Variants in PCNT observed in about 807,000 individuals in gnomAD.
The protein encoded by PCNT is kendrin.
PCNT carries 319 observed loss-of-function variants against 380.4 expected under a neutral mutation model. That is an observed-to-expected ratio of 0.84 (90% CI 0.77 to 0.92). The LOEUF is 0.92. Among genes scored for constraint, PCNT ranks in the 40% least tolerant of loss-of-function variants. PCNT has a pLI of 0.00. For synonymous variants in PCNT, 1,845 were observed against 1,735.2 expected (o/e 1.06, Z -1.57); for missense variants, 4,400 against 4,255.3 (o/e 1.03, Z -0.95).
At position 46,357,182 on chromosome 21, in the gene PCNT, T is replaced by C. The variant is rs2084509483; in HGVS notation, c.2145T>C (p.Asp715=). 1 of 1,609,672 alleles carries C rather than the reference T, an allele frequency of 6.2e-7. No homozygotes were observed. The highest frequency in any genetic ancestry group is 8.5e-7 in the Non-Finnish European group (1 of 1,175,928). The stretch of plus-strand genomic sequence containing the variant: ...AGCATGAAACTCGTCTGAAGGACGA[T>C]TTGGAGAAGGTGAGTCGTGACTCCA... ...KLQHETRLKD[D]LEKVKHNLIE... Residue 715 remains aspartate, a synonymous_variant, in exon 13 of 47, where the codon GAT becomes GAC. Transcript: ENST00000359568.
At chr21:46,403,868 G>T (rs558911887) in intron 27 of PCNT, among the ~76,000 whole-genome samples, 1 of 146,488 alleles carries the variant, frequency 6.8e-6, no homozygotes, top group Non-Finnish European at 1.5e-5. Flanking sequence ...TGGTGCCCAC[G>T]CGGCGTGTGC....
At chr21:46,403,569 G>T (rs2147529411) in intron 27 of PCNT, among the ~76,000 whole-genome samples, 1 of 127,398 alleles carries the variant, frequency 7.8e-6, no homozygotes, top group Admixed American at 8.1e-5. Context: ...TGTGTGTGGT[G>T]CCCACGTGGC....
Position 46,395,789 on chromosome 21 carries a change from C to T in PCNT, c.4217-1476C>T, listed in dbSNP as rs1014943799. Among the ~76,000 whole-genome samples the T allele has an allele frequency of 6.6e-5, 10 of 151,516 alleles. No individual in the cohort carries two copies. In the East Asian group the frequency reaches 1.7e-3, roughly 26 times the overall value. On this transcript the variant is annotated intron_variant, in intron 21 of 46. Coordinates refer to ENST00000359568, the MANE Select transcript of PCNT (RefSeq NM_006031.6). ...GTAATAAAATAGAGACTTCAGGATT[C>T]GGCAGCAGAGACTCCATCTCAGAAA... is the stretch of plus-strand genomic sequence containing the variant.
chr21:46,374,621 G>A (rs1333217166), intron 15 of PCNT, among the ~76,000 whole-genome samples: 7 of 152,090 alleles, frequency 4.6e-5, no homozygotes, highest in South Asian at 2.1e-4. Flanking sequence ...AGGCCGAGGC[G>A]GGTGCATCAC....
rs1745833330 is a variant in PCNT at position 46,428,437 on chromosome 21, G to C, written c.7537G>C (p.Asp2513His). ...EKSLEHLRLP[D>H]RSSLLSEIQA... ...GTCCCTGGAGCATCTTCGCTTGCCG[G>C]ACCGGAGCAGCCTGCTGTCCGAGAT... The change falls in exon 35 of 47, where the codon GAC (aspartate) becomes CAC (histidine). Residue 2513 changes from aspartate to histidine, a missense_variant. Physicochemically the swap from Asp to His is moderately conservative, Grantham distance 81 (BLOSUM62 -1). Transcript: ENST00000359568. 1.2e-6 allele frequency: 2 copies of C among 1,612,448 alleles called. No individual in the cohort carries two copies. The highest frequency in any genetic ancestry group is 3.3e-5 in the Admixed American group (2 of 59,968).
rs759204178 is a variant in PCNT at position 46,445,314 on chromosome 21, T to A, written c.9998T>A (p.Met3333Lys). 52 of 1,607,760 alleles carry A rather than the reference T, an allele frequency of 3.2e-5. 1 individual carries two copies. The South Asian group carries it at 3.7e-4, about 12-fold the overall frequency. The change falls in exon 47 of 47, where the codon ATG becomes AAG. Residue 3333 changes from methionine (M) to lysine (K), a missense_variant. Met to Lys is a moderately conservative substitution (Grantham distance 95, BLOSUM62 -1). Transcript: ENST00000359568. ...ACTTCAAAGAAATCCTGCCACCCGA[T>A]GATTAAACAGTGAATAAAATGTCAT... ...DSTSKKSCHP[M>K]IKQ is the part of the protein sequence containing the mutation.
chr21:46,335,582 C>T (rs1195910897), intron 3 of PCNT, among the ~76,000 whole-genome samples: 7 of 142,980 alleles, frequency 4.9e-5, no homozygotes, highest in South Asian at 4.5e-4. Context: ...GGAGACAGAC[C>T]GAGATTCCAT....
intron 3 of PCNT, among the ~76,000 whole-genome samples, chr21:46,338,131 G>A (rs1043564776): frequency 4.0e-5 from 6 of 151,838 alleles, no homozygotes; most frequent in African/African-American, 4.8e-5. Context: ...CTCCTGCCTC[G>A]GCCTCCAAAA....
chr21:46,371,874 C>A (rs1205652269), intron 15 of PCNT, among the ~76,000 whole-genome samples: 1 of 146,288 alleles, frequency 6.8e-6, no homozygotes, highest in African/African-American at 2.5e-5. Context: ...TGTGCACACA[C>A]ACAGCACATG....
rs2146242077 is a variant in PCNT at position 46,326,478 on chromosome 21, G to A, written c.156G>A (p.Glu52=). ...CGGCTGTCGATGCGTCTGTCCAGGA[G>A]GAGAGTCCGGTAACCAAGGAGGACA... The part of the protein sequence containing the change: ...KGSAVDASVQ[E]ESPVTKEDSA... The change falls in exon 2 of 47, where the codon GAG becomes GAA. Residue 52 remains glutamate (E), a synonymous_variant. Transcript: ENST00000359568. 6.2e-7 allele frequency: 1 copy of A among 1,614,240 alleles called. No individual in the cohort carries two copies. Among genetic ancestry groups the A allele is most frequent in the East Asian group, 2.2e-5 (1 of 44,892 alleles).
chr21:46,324,897 T>C (rs1166724876), intron 1 of PCNT: 17 of 985,400 alleles, frequency 1.7e-5, no homozygotes, highest in Non-Finnish European at 1.9e-5. Flanking sequence ...GGCGTTGCAG[T>C]CCTTACTGTG....
At chr21:46,444,955 G>C (rs940568455) in intron 46 of PCNT, 134 bp downstream of exon 46, 24 of 837,998 alleles carry the variant, frequency 2.9e-5, no homozygotes, top group Non-Finnish European at 4.2e-5. Flanking sequence ...GTCACTAATA[G>C]TATTAGAATA....
At chr21:46,426,179 G>T (rs1246709238) in intron 33 of PCNT, among the ~76,000 whole-genome samples, 2 of 147,174 alleles carry the variant, frequency 1.4e-5, no homozygotes, top group Non-Finnish European at 3.0e-5. Context: ...GATTACAGGT[G>T]CATGCCACCA....
At chr21:46,427,493 A>T in intron 33 of PCNT, 129 bp from the exon 34 acceptor site, 2 of 962,820 alleles carry the variant, frequency 2.1e-6, no homozygotes. Flanking sequence ...TCCTCTTCTT[A>T]AGAGGCCTCA....
At chr21:46,373,974 C>T (rs912415818) in intron 15 of PCNT, among the ~76,000 whole-genome samples, 15 of 151,978 alleles carry the variant, frequency 9.9e-5, no homozygotes, top group East Asian at 1.9e-4. Context: ...GTGATCTGTC[C>T]GTCTTGGCCT....
rs1601971551 is a variant in PCNT, at chr21:46,402,607, T to C, written c.5115+124T>C. ...TTCACAGACGCCCGTGGCCCCCATGTGGCAGACAGTGCAGAGAGCGCCCGA... is the reference window on the plus strand; with the variant it reads ...TTCACAGACGCCCGTGGCCCCCATGCGGCAGACAGTGCAGAGAGCGCCCGA... On this transcript the variant is annotated intron_variant, in intron 27 of 46. Coordinates refer to ENST00000359568, the MANE Select transcript of PCNT (RefSeq NM_006031.6). The C allele has an allele frequency of 3.0e-6, 3 of 984,216 alleles. No individual in the cohort carries two copies. In the African/African-American group the frequency reaches 4.8e-5, roughly 16 times the overall value. The allele number at this position is 984,216 out of a possible 1,614,324, so 61.0% of individuals were successfully genotyped here. A position where few individuals can be genotyped will look rare whatever the true frequency, so the allele number is the denominator to read the frequency against.
At chr21:46,403,693 G>A (rs1197980615) in intron 27 of PCNT, among the ~76,000 whole-genome samples, 19 of 146,108 alleles carry the variant, frequency 1.3e-4, no homozygotes, top group Admixed American at 6.8e-5. Context: ...TGGTGCCCAC[G>A]CGGCACGTGC....
chr21:46,371,991 A>G (rs558474182), intron 15 of PCNT, among the ~76,000 whole-genome samples: 22 of 143,734 alleles, frequency 1.5e-4, no homozygotes, highest in Admixed American at 1.5e-3. Flanking sequence ...CATGCAGCAC[A>G]TGCACACACA....
chr21:46,331,599 C>G (rs1601749541), intron 2 of PCNT, among the ~76,000 whole-genome samples: 3 of 151,770 alleles, frequency 2.0e-5, no homozygotes, highest in Admixed American at 2.0e-4. Flanking sequence ...AACTCTGTCT[C>G]TATGAAAAAT....
Sources: allele counts gnomAD v4.1 joint callset (sites outside exome capture counted in the v4.1 genomes callset), GRCh38; gene constraint gnomAD v4.1.1; transcripts MANE v1.5; gene names NCBI Gene and HGNC (gene_info 2026-07-23, HGNC 2026-07-21).